The following PDE4D variants were observed in gnomAD, a reference collection of about 807,000 sequenced individuals.
PDE4D encodes phosphodiesterase 4D.
Under a neutral mutation model 87.4 loss-of-function variants are expected in PDE4D, and 24 were observed. That is an observed-to-expected ratio of 0.27 (90% CI 0.20 to 0.39). The LOEUF (loss-of-function observed/expected upper bound fraction) is 0.39, where lower values mean the gene tolerates loss of function less well. PDE4D is among the 10% of genes least tolerant of loss of function. The pLI, the probability that PDE4D is intolerant of heterozygous loss-of-function variation, is 1.00. For synonymous variants in PDE4D, 384 were observed against 383.2 expected, an observed-to-expected ratio of 1.00 and a Z score of -0.02; for missense variants, 714 against 1,041.0, an observed-to-expected ratio of 0.69 and a Z score of 4.32.
At chr5:59,689,853 G>C (rs1287688977) in intron 1 of PDE4D, among the ~76,000 whole-genome samples, 7 of 152,170 alleles carry the variant, frequency 4.6e-5, no homozygotes, top group Admixed American at 4.6e-4. Context: ...TCCTTAATCT[G>C]ATAAGCAACT....
At chr5:59,123,605 G>A (rs568288458) in intron 5 of PDE4D, among the ~76,000 whole-genome samples, 2 of 152,280 alleles carry the variant, frequency 1.3e-5, no homozygotes, top group South Asian at 2.1e-4. Flanking sequence ...GGATATTGGA[G>A]TTCTTAATAC....
At chr5:59,801,166 T>C (rs1008810808) in intron 1 of PDE4D, among the ~76,000 whole-genome samples, 1 of 152,196 alleles carries the variant, frequency 6.6e-6, no homozygotes, top group African/African-American at 2.4e-5. Context: ...TGAGAACAAC[T>C]GTCATAGCTT....
At chr5:59,980,426 A>G (rs1007829764) in intron 3 of PDE4D, among the ~76,000 whole-genome samples, 5 of 152,236 alleles carry the variant, frequency 3.3e-5, no homozygotes, top group African/African-American at 1.2e-4. Context: ...GGATTCCCCA[A>G]CCAATCTCTA....
At chr5:59,464,081 G>A (rs189732146) in intron 1 of PDE4D, among the ~76,000 whole-genome samples, 8 of 151,698 alleles carry the variant, frequency 5.3e-5, no homozygotes, top group South Asian at 2.1e-4. Flanking sequence ...CAAAAACTGC[G>A]GAAGGCTGCA....
At chr5:60,316,545 G>T (rs1289199378) in intron 1 of PDE4D, among the ~76,000 whole-genome samples, 1 of 152,068 alleles carries the variant, frequency 6.6e-6, no homozygotes, top group Non-Finnish European at 1.5e-5. Flanking sequence ...GGTGAGAGAG[G>T]GCATCCCTCT....
intron 1 of PDE4D, among the ~76,000 whole-genome samples, chr5:60,299,774 T>C (rs562816838): frequency 6.6e-6 from 1 of 152,174 alleles, no homozygotes; most frequent in African/African-American, 2.4e-5. Context: ...GTGTATATGT[T>C]CCATATTTTC....
At chr5:59,656,751 A>G (rs1744429027) in intron 1 of PDE4D, among the ~76,000 whole-genome samples, 1 of 152,234 alleles carries the variant, frequency 6.6e-6, no homozygotes, top group Middle Eastern at 3.2e-3. Context: ...CAAGTCTTGT[A>G]TGGAATTGGG....
intron 1 of PDE4D, among the ~76,000 whole-genome samples, chr5:60,214,722 C>T (rs775204001): frequency 6.6e-6 from 1 of 152,042 alleles, no homozygotes; most frequent in Non-Finnish European, 1.5e-5. Flanking sequence ...GACAGAGGCC[C>T]TTATTGATTC....
At chr5:59,408,643 G>A (rs189112365) in intron 1 of PDE4D, among the ~76,000 whole-genome samples, 12 of 152,338 alleles carry the variant, frequency 7.9e-5, no homozygotes, top group Admixed American at 5.2e-4. Context: ...CAACCCATGA[G>A]AGCAGTCATG....
chr5:59,961,072 A>G (rs1305582585), intron 3 of PDE4D, among the ~76,000 whole-genome samples: 2 of 152,148 alleles, frequency 1.3e-5, no homozygotes, highest in East Asian at 1.9e-4. Context: ...TGAGCATAAC[A>G]GAAAAATTGT....
Position 59,294,869 on chromosome 5 carries a change from A to C in PDE4D, c.456-78901T>G, listed in dbSNP as rs143370897. On this transcript the variant is annotated intron_variant, in intron 1 of 14. Coordinates refer to ENST00000340635, the MANE Select transcript of PDE4D (RefSeq NM_001104631.2). ...AAAGCTAATAACTAGGAACAGTTTA[A>C]TAGAATGCTCTTAGAGAAAATGAAA... Among the ~76,000 whole-genome samples, 53 of 152,338 alleles carry C rather than the reference A, an allele frequency of 3.5e-4. No individual in the cohort carries two copies. The East Asian group carries it at 9.8e-3, about 28-fold the overall frequency.
intron 6 of PDE4D, among the ~76,000 whole-genome samples, chr5:59,007,647 T>C (rs1751903669): frequency 6.6e-6 from 1 of 152,150 alleles, no homozygotes; most frequent in Admixed American, 6.5e-5. Context: ...TCTGTTTGTA[T>C]TTACTGCCCT....
At chr5:59,996,979 G>A (rs1370637531) in intron 2 of PDE4D, among the ~76,000 whole-genome samples, 5 of 152,090 alleles carry the variant, frequency 3.3e-5, no homozygotes, top group Non-Finnish European at 7.4e-5. Flanking sequence ...CTATAACTCA[G>A]TCATCAAAAC....
intron 1 of PDE4D, among the ~76,000 whole-genome samples, chr5:60,507,370 C>T (rs902291515): frequency 2.6e-5 from 4 of 152,114 alleles, no homozygotes; most frequent in Admixed American, 6.6e-5. Flanking sequence ...CCACCGCACC[C>T]GGCCTAAGTG....
At chr5:59,551,995 T>A (rs369727812) in intron 1 of PDE4D, among the ~76,000 whole-genome samples, 2 of 152,104 alleles carry the variant, frequency 1.3e-5, no homozygotes, top group African/African-American at 4.8e-5. Context: ...ACAGGCGGAT[T>A]GCTTGAGCCC....
chr5:60,158,858 C>T (rs554368108), intron 2 of PDE4D, among the ~76,000 whole-genome samples: 1 of 152,176 alleles, frequency 6.6e-6, no homozygotes, highest in Non-Finnish European at 1.5e-5. Flanking sequence ...CGTGAGCCAC[C>T]GCGCCAGGCC....
At chr5:59,633,029 GAGA>G (rs1272752107) in intron 1 of PDE4D, among the ~76,000 whole-genome samples, 5 of 152,262 alleles carry the variant, frequency 3.3e-5, no homozygotes, top group Non-Finnish European at 2.9e-5. Context: ...AACCAGTTTA[GAGA>G]AGAACATAAA....
At chr5:59,399,893 A>C (rs1326815101) in intron 1 of PDE4D, among the ~76,000 whole-genome samples, 1 of 113,672 alleles carries the variant, frequency 8.8e-6, no homozygotes, top group African/African-American at 3.7e-5. Flanking sequence ...CAAGAAAAAA[A>C]CAAATAACCC....
At chr5:59,097,347 T>G (rs1192128676) in intron 5 of PDE4D, among the ~76,000 whole-genome samples, 1 of 152,218 alleles carries the variant, frequency 6.6e-6, no homozygotes, top group African/African-American at 2.4e-5. Flanking sequence ...AGTTATTGCA[T>G]TCCAGAGAAG....
Sources: gnomAD v4.1 joint callset for allele counts (sites outside exome capture counted in the v4.1 genomes callset) on GRCh38, gnomAD v4.1.1 for gene constraint, MANE v1.5 for transcripts, NCBI Gene and HGNC (gene_info 2026-07-23, HGNC 2026-07-21) for gene names.